TLE1: variants seen among roughly 807,000 people sequenced by gnomAD.
TLE1 encodes transducin-like enhancer protein 1.
Under a neutral mutation model 89.8 loss-of-function variants are expected in TLE1, and 21 were observed. The observed-to-expected ratio is 0.23, with a 90% confidence interval of 0.17 to 0.34. TLE1 has a LOEUF of 0.34. Among genes scored for constraint, TLE1 ranks in the 10% least tolerant of loss-of-function variants. The pLI, the probability that TLE1 is intolerant of heterozygous loss-of-function variation, is 1.00. For missense variants in TLE1, 795 were observed against 1,031.2 expected (o/e 0.77, Z 3.14); for synonymous variants, 447 against 407.6 (o/e 1.10, Z -1.16).
chr9:81,685,077 C>T (rs1834095540), intron 4 of TLE1, among the ~76,000 whole-genome samples: 1 of 152,162 alleles, frequency 6.6e-6, no homozygotes. Flanking sequence ...AGGACTGAAG[C>T]AACTCCCAAC....
chr9:81,618,764 G>C (rs1824868657), intron 9 of TLE1, among the ~76,000 whole-genome samples: 1 of 152,060 alleles, frequency 6.6e-6, no homozygotes, highest in Admixed American at 6.6e-5. Flanking sequence ...TACACATAAG[G>C]AACTAGCAAA....
intron 7 of TLE1, 104 bp from the exon 8 acceptor site, chr9:81,633,468 A>G (rs1826968754): frequency 1.5e-5 from 23 of 1,563,690 alleles, no homozygotes; most frequent in Non-Finnish European, 1.9e-5. Flanking sequence ...CAAGCCCCAA[A>G]CAGTTTTAAA....
intron 13 of TLE1, among the ~76,000 whole-genome samples, chr9:81,610,746 C>T (rs533660577): frequency 6.9e-6 from 1 of 145,942 alleles, no homozygotes; most frequent in South Asian, 2.4e-4. Context: ...ATACCTGCCC[C>T]CCCTCCCACC....
rs558873834 is a variant in TLE1, at chr9:81,616,636, G to A, written c.765+10C>T. The A allele has an allele frequency of 4.3e-6, 7 of 1,613,070 alleles. No homozygotes were observed. The highest frequency in any genetic ancestry group is 5.9e-6 in the Non-Finnish European group (7 of 1,179,596). On this transcript the variant is annotated intron_variant, in intron 10 of 19. Transcript: ENST00000376499. ...TTCTGAAGACAAACTTTGATGAAAA[G>A]AATGGTTACCTCATTAGACACATCC...
chr9:81,662,446 A>C (rs1830936630), intron 4 of TLE1, among the ~76,000 whole-genome samples: 1 of 150,152 alleles, frequency 6.7e-6, no homozygotes, highest in African/African-American at 2.5e-5. Flanking sequence ...TGTAATCCCA[A>C]CACTTTGCGG....
At chr9:81,638,942 G>T (rs1052329741) in intron 6 of TLE1, among the ~76,000 whole-genome samples, 5 of 150,996 alleles carry the variant, frequency 3.3e-5, no homozygotes, top group Admixed American at 6.6e-5. Context: ...CATTTTTTTT[G>T]AAGCAAAGTC....
chr9:81,682,080 T>C (rs928858822), intron 4 of TLE1, among the ~76,000 whole-genome samples: 4 of 151,222 alleles, frequency 2.6e-5, no homozygotes, highest in Admixed American at 2.0e-4. Context: ...ACCCTCTCTC[T>C]ACTACAAAAA....
chr9:81,660,350 A>C (rs1024559524), intron 4 of TLE1, among the ~76,000 whole-genome samples: 78 of 152,188 alleles, frequency 5.1e-4, no homozygotes, highest in African/African-American at 1.7e-3. Flanking sequence ...ACAAAAAAAA[A>C]AAAACAAAAT....
chr9:81,586,302 C>T (rs7047448), intron 17 of TLE1, among the ~76,000 whole-genome samples: 5,785 of 152,234 alleles, frequency 0.038, 369 homozygotes, highest in African/African-American at 0.13. Context: ...CAGGCGTGAG[C>T]CTCCGTGCCT....
chr9:81,661,258 T>G (rs1830767069), intron 4 of TLE1, among the ~76,000 whole-genome samples: 1 of 150,460 alleles, frequency 6.6e-6, no homozygotes, highest in Non-Finnish European at 1.5e-5. Context: ...GTAGCTGAAC[T>G]TAAGAGTTTA....
intron 1 of TLE1, 71 bp from the exon 2 acceptor site, chr9:81,687,505 A>G (rs909620568): frequency 2.6e-6 from 3 of 1,166,030 alleles, no homozygotes; most frequent in African/African-American, 3.0e-5. Flanking sequence ...AAGTCAGAGA[A>G]GGCAAGAACG....
chr9:81,685,790 A>T (rs753871283), intron 3 of TLE1, 43 bp downstream of exon 3: 2 of 1,612,526 alleles, frequency 1.2e-6, no homozygotes, highest in Non-Finnish European at 1.7e-6. Context: ...CACGTTTGCT[A>T]ATATCATATG....
Position 81,585,599 on chromosome 9 carries a change from G to C in TLE1, c.2034C>G (p.Ser678Arg), listed in dbSNP as rs143208469. The C allele has an allele frequency of 1.8e-5, 29 of 1,613,990 alleles. No individual in the cohort carries two copies. The highest frequency in any genetic ancestry group is 2.2e-5 in the Non-Finnish European group (26 of 1,180,036). ...TGEWLAVGME[S>R]SNVEVLHVNK... ...TCACGTGCAGCACCTCCACATTGCT[G>C]CTCTCCATGCCCACTGCCAGCCACT... The change falls in exon 18 of 20, where the codon AGC becomes AGG. Residue 678 changes from serine to arginine, a missense_variant. Ser to Arg is a moderately radical substitution (Grantham distance 110). Transcript: ENST00000376499.
At chr9:81,672,463 A>ATTT (rs34263355) in intron 4 of TLE1, among the ~76,000 whole-genome samples, 19 of 144,284 alleles carry the variant, frequency 1.3e-4, no homozygotes, top group Admixed American at 4.2e-4. Flanking sequence ...CCTCCCAACA[A>ATTT]TTTTTTTTTT....
At chr9:81,686,646 G>A (rs1453553932) in intron 2 of TLE1, among the ~76,000 whole-genome samples, 6 of 152,098 alleles carry the variant, frequency 3.9e-5, no homozygotes, top group African/African-American at 9.7e-5. Context: ...TAGGAACAAG[G>A]GAAAGAAACT....
chr9:81,676,939 T>G (rs897477364), intron 4 of TLE1, among the ~76,000 whole-genome samples: 1 of 152,236 alleles, frequency 6.6e-6, no homozygotes, highest in Non-Finnish European at 1.5e-5. Context: ...AATGTATGTA[T>G]GTAACTTACA....
chr9:81,616,253 A>C, intron 10 of TLE1, 119 bp from the exon 11 acceptor site: 1 of 1,257,534 alleles, frequency 8.0e-7, no homozygotes, highest in Non-Finnish European at 1.1e-6. Flanking sequence ...TTGGGGTTGT[A>C]CAAGGTGACC....
chr9:81,668,852 T>C (rs1831842251), intron 4 of TLE1, among the ~76,000 whole-genome samples: 1 of 152,200 alleles, frequency 6.6e-6, no homozygotes, highest in East Asian at 1.9e-4. Context: ...GAACAATTTA[T>C]AAACCAGGGG....
chr9:81,684,609 C>T (rs1302574902), intron 4 of TLE1, among the ~76,000 whole-genome samples: 4 of 152,298 alleles, frequency 2.6e-5, no homozygotes, highest in African/African-American at 9.6e-5. Context: ...CTCCACTGTG[C>T]CCCAGCCGGT....
Sources: gnomAD v4.1 joint callset for allele counts (sites outside exome capture counted in the v4.1 genomes callset) on GRCh38, gnomAD v4.1.1 for gene constraint, MANE v1.5 for transcripts, NCBI Gene and HGNC (gene_info 2026-07-23, HGNC 2026-07-21) for gene names.